The following KCNQ3 variants were observed in gnomAD, a reference collection of about 807,000 sequenced individuals.
KCNQ3 encodes the protein potassium voltage-gated channel subfamily Q member 3, also known as potassium voltage-gated channel subfamily KQT member 3.
Under a neutral mutation model 92.5 loss-of-function variants are expected in KCNQ3, and 30 were observed. The ratio of observed to expected loss-of-function variants is 0.32; its 90% CI spans 0.24 to 0.44. The LOEUF is 0.44. Among genes scored for constraint, KCNQ3 ranks in the 20% least tolerant of loss-of-function variants. The pLI is 1.00. For synonymous variants in KCNQ3, 450 were observed against 468.8 expected, an observed-to-expected ratio of 0.96 and a Z score of 0.52; for missense variants, 913 against 1,140.3, an observed-to-expected ratio of 0.80 and a Z score of 2.87.
In KCNQ3 at chr8:132,480,459, GCCCCGCCGCCTCCGCCGC is replaced by G. The variant is rs774616642; in HGVS notation, c.56_73del (p.Gly19_Gly24del). On this transcript the variant is annotated inframe_deletion, in exon 1 of 15. Coordinates refer to ENST00000388996, the MANE Select transcript of KCNQ3 (RefSeq NM_004519.4). ...CGCGTCCCCTCCGGCTGGGTTAGCC[GCCCCGCCGCCTCCGCCGC>G]CCCCGTCGCCGCCGCCGCCAGCCGC... 80 of 1,282,374 alleles carry G rather than the reference GCCCCGCCGCCTCCGCCGC, an allele frequency of 6.2e-5. No individual in the cohort carries two copies. The highest frequency in any genetic ancestry group is 4.5e-4 in the South Asian group (15 of 33,548). 79.4% of individuals were successfully genotyped at this position (1,282,374 alleles called of 1,614,324 possible). A position where few individuals can be genotyped will look rare whatever the true frequency, so the allele number is the denominator to read the frequency against.
At chr8:132,311,712 C>G (rs1817598640) in intron 1 of KCNQ3, among the ~76,000 whole-genome samples, 3 of 152,128 alleles carry the variant, frequency 2.0e-5, no homozygotes, top group Non-Finnish European at 2.9e-5. Flanking sequence ...AACTTAAAGT[C>G]AAAGGAACTG....
intron 8 of KCNQ3, 142 bp from the exon 9 acceptor site, chr8:132,163,636 A>C: frequency 1.3e-6 from 1 of 777,304 alleles, no homozygotes; most frequent in Non-Finnish European, 2.2e-6. Context: ...GTGTGGAGGG[A>C]ACCAATGAAG....
At chr8:132,298,305 T>C (rs997364912) in intron 1 of KCNQ3, among the ~76,000 whole-genome samples, 38 of 152,352 alleles carry the variant, frequency 2.5e-4, no homozygotes, top group African/African-American at 9.1e-4. Flanking sequence ...CAGACCACTA[T>C]ACTCCTGTTT....
chr8:132,419,766 C>G (rs1041037460), intron 1 of KCNQ3, among the ~76,000 whole-genome samples: 8 of 152,160 alleles, frequency 5.3e-5, no homozygotes, highest in African/African-American at 1.9e-4. Flanking sequence ...GCTCAAAAAT[C>G]CCGAAGTGAC....
intron 1 of KCNQ3, among the ~76,000 whole-genome samples, chr8:132,254,966 A>G (rs927228585): frequency 1.3e-5 from 2 of 152,172 alleles, no homozygotes; most frequent in African/African-American, 4.8e-5. Context: ...AACAGAAAGC[A>G]TAATAAACTT....
At chr8:132,438,026 C>G (rs1269666600) in intron 1 of KCNQ3, among the ~76,000 whole-genome samples, 4 of 152,126 alleles carry the variant, frequency 2.6e-5, no homozygotes, top group African/African-American at 9.7e-5. Context: ...GCAAATGTGC[C>G]CCTTCCTCAA....
intron 10 of KCNQ3, chr8:132,140,907 CTT>C: frequency 7.0e-6 from 4 of 573,864 alleles, no homozygotes; most frequent in Non-Finnish European, 6.2e-6. Flanking sequence ...AGGCTCCTAA[CTT>C]GGGAGCCTGC....
At position 132,130,004 on chromosome 8, in the gene KCNQ3, A is replaced by C; in HGVS notation, c.1885-8T>G. ...CTTCCCCATGTCCTGAACCTGGAAA[A>C]TCAAAGGAGCTGTGAATTACCACTT... On this transcript the variant is annotated splice_polypyrimidine_tract_variant and splice_region_variant and intron_variant, in intron 14 of 14. Transcript: ENST00000388996. The C allele has an allele frequency of 6.2e-7, 1 of 1,612,680 alleles. No homozygotes were observed. Among genetic ancestry groups the C allele is most frequent in the Non-Finnish European group, 8.5e-7 (1 of 1,180,014 alleles).
chr8:132,199,817 G>A (rs1827406007), intron 1 of KCNQ3, among the ~76,000 whole-genome samples: 1 of 151,838 alleles, frequency 6.6e-6, no homozygotes, highest in Admixed American at 6.6e-5. Context: ...GGCTGAGGTA[G>A]GAGAATCACT....
At chr8:132,399,408 C>T (rs1820277618) in intron 1 of KCNQ3, among the ~76,000 whole-genome samples, 1 of 152,172 alleles carries the variant, frequency 6.6e-6, no homozygotes, top group Admixed American at 6.5e-5. Flanking sequence ...CCCAGTGTTT[C>T]TTGGTTTCCA....
Position 132,480,704 on chromosome 8 carries a change from T to A in KCNQ3, c.-172A>T. Reference sequence around the variant, plus strand: ...CAAAAGCAGGCAAAGGCGGGCCCCCTGGGGGGCAGGGGAGGCCAGGCAGGG... The same window carrying A: ...CAAAAGCAGGCAAAGGCGGGCCCCCAGGGGGGCAGGGGAGGCCAGGCAGGG... On this transcript the variant is annotated 5_prime_UTR_variant, in exon 1 of 15. Coordinates refer to ENST00000388996, the MANE Select transcript of KCNQ3 (RefSeq NM_004519.4). 1.7e-6 allele frequency: 1 copy of A among 586,002 alleles called. No homozygotes were observed. Among genetic ancestry groups the A allele is most frequent in the Non-Finnish European group, 2.0e-6 (1 of 491,014 alleles). The allele number at this position is 586,002 out of a possible 1,614,324, so 36.3% of individuals were successfully genotyped here.
chr8:132,430,556 G>A (rs1457367903), intron 1 of KCNQ3, among the ~76,000 whole-genome samples: 2 of 152,108 alleles, frequency 1.3e-5, no homozygotes, highest in African/African-American at 4.8e-5. Flanking sequence ...CCATCAGCGG[G>A]GCCTTCCCGA....
At chr8:132,185,136 G>A (rs1245172912) in intron 2 of KCNQ3, among the ~76,000 whole-genome samples, 1 of 152,198 alleles carries the variant, frequency 6.6e-6, no homozygotes, top group Non-Finnish European at 1.5e-5. Context: ...ATGGTTTCCA[G>A]GGAGTTCCAC....
intron 1 of KCNQ3, among the ~76,000 whole-genome samples, chr8:132,339,368 A>T (rs996921477): frequency 6.6e-6 from 1 of 152,220 alleles, no homozygotes; most frequent in Non-Finnish European, 1.5e-5. Flanking sequence ...TCACCCTTCA[A>T]AAATCTAAAT....
At chr8:132,376,392 G>T (rs1163194783) in intron 1 of KCNQ3, among the ~76,000 whole-genome samples, 1 of 152,146 alleles carries the variant, frequency 6.6e-6, no homozygotes, top group African/African-American at 2.4e-5. Flanking sequence ...ATTTAACTAA[G>T]TGCTTCCGTA....
chr8:132,169,211 G>C (rs768516972), intron 8 of KCNQ3, among the ~76,000 whole-genome samples: 3 of 152,072 alleles, frequency 2.0e-5, no homozygotes, highest in Non-Finnish European at 4.4e-5. Context: ...CCCACCCCAG[G>C]GGCTCCTGTT....
intron 1 of KCNQ3, among the ~76,000 whole-genome samples, chr8:132,381,508 T>TAGAAC (rs1460611211): frequency 2.0e-5 from 3 of 152,238 alleles, no homozygotes; most frequent in African/African-American, 7.2e-5. Context: ...TAGGGAATTC[T>TAGAAC]AGAACTGTTA....
At chr8:132,232,581 C>G (rs918612278) in intron 1 of KCNQ3, among the ~76,000 whole-genome samples, 1 of 152,172 alleles carries the variant, frequency 6.6e-6, no homozygotes, top group Non-Finnish European at 1.5e-5. Context: ...GAACAACTAA[C>G]ACAGTGGGCA....
chr8:132,211,398 C>A (rs928630514), intron 1 of KCNQ3, among the ~76,000 whole-genome samples: 1 of 152,156 alleles, frequency 6.6e-6, no homozygotes, highest in African/African-American at 2.4e-5. Flanking sequence ...ATAATTCTTG[C>A]CTTTAGACAT....
Sources: gnomAD v4.1 joint callset for allele counts (sites outside exome capture counted in the v4.1 genomes callset) on GRCh38, gnomAD v4.1.1 for gene constraint, MANE v1.5 for transcripts, NCBI Gene and HGNC (gene_info 2026-07-23, HGNC 2026-07-21) for gene names.